ULK4: variants seen among roughly 807,000 people sequenced by gnomAD.
ULK4 encodes the protein inactive serine/threonine-protein kinase ULK4.
Under a neutral mutation model 160.6 loss-of-function variants are expected in ULK4, and 133 were observed. The observed-to-expected ratio is 0.83, with a 90% confidence interval of 0.72 to 0.96. The LOEUF is 0.96. Among genes scored for constraint, ULK4 ranks in the 40% least tolerant of loss-of-function variants. The pLI, the probability that ULK4 is intolerant of heterozygous loss-of-function variation, is 0.00. For synonymous variants in ULK4, 534 were observed against 539.8 expected (o/e 0.99, Z 0.15); for missense variants, 1,580 against 1,499.5 (o/e 1.05, Z -0.89).
chr3:41,525,499 C>T (rs549402493), intron 32 of ULK4, among the ~76,000 whole-genome samples: 48 of 152,254 alleles, frequency 3.2e-4, no homozygotes, highest in Admixed American at 1.2e-3. Context: ...AATCAAAGGT[C>T]GGGACAAGAG....
At chr3:41,776,156 T>C (rs1434777862) in intron 21 of ULK4, among the ~76,000 whole-genome samples, 2 of 151,066 alleles carry the variant, frequency 1.3e-5, no homozygotes, top group Admixed American at 6.6e-5. Flanking sequence ...GATTATAGAA[T>C]AGTCATTTTA....
intron 35 of ULK4, among the ~76,000 whole-genome samples, chr3:41,322,706 C>A (rs1203966887): frequency 1.3e-5 from 2 of 152,206 alleles, no homozygotes; most frequent in African/African-American, 4.8e-5. Context: ...ATTTAATGCT[C>A]AGCAGATATT....
chr3:41,329,851 A>T (rs2080408984), intron 35 of ULK4, among the ~76,000 whole-genome samples: 1 of 152,220 alleles, frequency 6.6e-6, no homozygotes, highest in South Asian at 2.1e-4. Flanking sequence ...AAGAAAGGGT[A>T]TTTATTAGAA....
chr3:41,512,016 TAAAAAGA>T (rs1319501916), intron 32 of ULK4, among the ~76,000 whole-genome samples: 1 of 151,768 alleles, frequency 6.6e-6, no homozygotes, highest in Non-Finnish European at 1.5e-5. Flanking sequence ...TAAACAGAAT[TAAAAAGA>T]AAAATCAGAC....
intron 35 of ULK4, among the ~76,000 whole-genome samples, chr3:41,333,440 G>A (rs1174786779): frequency 6.6e-6 from 1 of 151,972 alleles, no homozygotes; most frequent in Non-Finnish European, 1.5e-5. Flanking sequence ...AGATTTGGGG[G>A]ATCTCTACTG....
At chr3:41,695,006 G>A (rs1402029063) in intron 27 of ULK4, among the ~76,000 whole-genome samples, 2 of 152,176 alleles carry the variant, frequency 1.3e-5, no homozygotes, top group African/African-American at 4.8e-5. Context: ...CAGTTTAGGA[G>A]GCTGGGAAGT....
At chr3:41,506,656 G>C (rs796068616) in intron 32 of ULK4, among the ~76,000 whole-genome samples, 4 of 147,914 alleles carry the variant, frequency 2.7e-5, no homozygotes, top group African/African-American at 5.0e-5. Context: ...CCTGACTTTC[G>C]ACCATCAGTC....
intron 22 of ULK4, among the ~76,000 whole-genome samples, chr3:41,726,265 A>T (rs2037647313): frequency 6.6e-6 from 1 of 152,214 alleles, no homozygotes. Flanking sequence ...GAAATAAAAA[A>T]CTAATGGGAT....
chr3:41,951,094 G>A (rs568961077), intron 2 of ULK4, among the ~76,000 whole-genome samples: 52 of 130,856 alleles, frequency 4.0e-4, no homozygotes, highest in Non-Finnish European at 6.3e-4. Context: ...ACAGTAAGCC[G>A]AGATTGTGTC....
At chr3:41,539,329 C>A (rs2086620193) in intron 32 of ULK4, among the ~76,000 whole-genome samples, 1 of 152,132 alleles carries the variant, frequency 6.6e-6, no homozygotes, top group South Asian at 2.1e-4. Flanking sequence ...TTGTAAAAAG[C>A]AGCAGCCGAC....
chr3:41,723,298 G>A (rs573810799), intron 22 of ULK4, among the ~76,000 whole-genome samples: 2 of 152,078 alleles, frequency 1.3e-5, no homozygotes, highest in South Asian at 4.2e-4. Context: ...TTCTCCCATT[G>A]GGTTGTTGAT....
intron 32 of ULK4, among the ~76,000 whole-genome samples, chr3:41,469,602 C>CAAAAAAAAAAAAAAAAAAAAAAAAAAAA (rs71616008): frequency 7.1e-4 from 8 of 11,314 alleles, no homozygotes; most frequent in Non-Finnish European, 1.2e-3. Context: ...CTACACCTGC[C>CAAAAAAAAAAAAAAAAAAAAAAAAAAAA]AAAAAAAAAA....
intron 30 of ULK4, among the ~76,000 whole-genome samples, chr3:41,651,525 C>T (rs1419101799): frequency 2.0e-5 from 3 of 152,198 alleles, no homozygotes; most frequent in Non-Finnish European, 4.4e-5. Flanking sequence ...TTGCCCACCT[C>T]AGTGAATATA....
intron 35 of ULK4, among the ~76,000 whole-genome samples, chr3:41,269,431 T>G (rs1309518756): frequency 2.0e-5 from 3 of 152,038 alleles, no homozygotes; most frequent in African/African-American, 7.2e-5. Context: ...CAGCACAGTC[T>G]TCCAACATCT....
intron 32 of ULK4, among the ~76,000 whole-genome samples, chr3:41,524,808 CGTG>C (rs2086056054): frequency 6.6e-6 from 1 of 151,982 alleles, no homozygotes; most frequent in African/African-American, 2.4e-5. Context: ...TGTGGTGACA[CGTG>C]CCTGTAGTCC....
At chr3:41,732,315 C>T (rs2037858881) in intron 22 of ULK4, among the ~76,000 whole-genome samples, 1 of 151,942 alleles carries the variant, frequency 6.6e-6, no homozygotes, top group Non-Finnish European at 1.5e-5. Flanking sequence ...AATGAATAGA[C>T]ATTTCTCAAA....
chr3:41,890,290 A>G (rs1697872434), intron 16 of ULK4, among the ~76,000 whole-genome samples: 1 of 152,232 alleles, frequency 6.6e-6, no homozygotes, highest in Non-Finnish European at 1.5e-5. Flanking sequence ...AAGAAAAGTC[A>G]AGAGAGACAA....
chr3:41,619,334 G>A (rs2033132121), intron 30 of ULK4, among the ~76,000 whole-genome samples: 2 of 151,944 alleles, frequency 1.3e-5, no homozygotes, highest in Non-Finnish European at 2.9e-5. Context: ...TCTTCTCAGT[G>A]CCACATAGCA....
At chr3:41,812,652 T>TA in intron 19 of ULK4, among the ~76,000 whole-genome samples, 1 of 152,172 alleles carries the variant, frequency 6.6e-6, no homozygotes, top group East Asian at 1.9e-4. Flanking sequence ...GTTCGCTATT[T>TA]AAAAAAACAA....
Sources: gnomAD v4.1 joint callset for allele counts (sites outside exome capture counted in the v4.1 genomes callset) on GRCh38, gnomAD v4.1.1 for gene constraint, MANE v1.5 for transcripts, NCBI Gene and HGNC (gene_info 2026-07-23, HGNC 2026-07-21) for gene names.